The following CLK4 variants were observed in gnomAD, a reference collection of about 807,000 sequenced individuals.
The protein encoded by CLK4 is CDC like kinase 4.
CLK4 carries 37 observed loss-of-function variants against 64.4 expected under a neutral mutation model. That is an observed-to-expected ratio of 0.57 (90% confidence interval 0.44 to 0.76). CLK4 has a LOEUF of 0.76. CLK4 is among the 30% of genes least tolerant of loss of function. The pLI, the probability that CLK4 is intolerant of heterozygous loss-of-function variation, is 0.00. For missense variants in CLK4, 457 were observed against 605.1 expected, an observed-to-expected ratio of 0.76 and a Z score of 2.57; for synonymous variants, 175 against 191.6, an observed-to-expected ratio of 0.91 and a Z score of 0.72.
Position 178,618,555 on chromosome 5 carries a change from C to T in CLK4, c.384+1G>A. On this transcript the variant is annotated splice_donor_variant, in intron 3 of 12. Transcript: ENST00000316308. LOFTEE classifies it high-confidence loss of function. ...CAAATTGAAAACAAAACCAATCATA[C>T]CGAACGTGACTGATGACTTGAACAG... 2 of 1,607,946 alleles carry T rather than the reference C, an allele frequency of 1.2e-6. No homozygotes were observed. The highest frequency in any genetic ancestry group is 1.7e-6 in the Non-Finnish European group (2 of 1,176,002).
At chr5:178,625,608 T>C (rs1280126913) in intron 1 of CLK4, among the ~76,000 whole-genome samples, 5 of 152,184 alleles carry the variant, frequency 3.3e-5, no homozygotes, top group Admixed American at 1.3e-4. Flanking sequence ...TCCATTACTA[T>C]GAAGTTTTTT....
intron 3 of CLK4, 93 bp downstream of exon 3, chr5:178,618,463 T>A: frequency 2.7e-6 from 1 of 374,774 alleles, no homozygotes; most frequent in Non-Finnish European, 4.4e-6. Context: ...TAGTATTTTA[T>A]ATATATATAT....
At chr5:178,622,854 T>G (rs1242470249) in intron 2 of CLK4, 1 of 179,098 alleles carries the variant, frequency 5.6e-6, no homozygotes, top group African/African-American at 2.4e-5. Flanking sequence ...ACCTTATTTC[T>G]GAAACAATGA....
intron 7 of CLK4, 68 bp downstream of exon 7, chr5:178,613,405 C>T (rs1489929573): frequency 1.5e-5 from 16 of 1,098,320 alleles, no homozygotes; most frequent in African/African-American, 8.2e-5. Flanking sequence ...GGTGACAGAG[C>T]GAGACTCCGT....
intron 1 of CLK4, among the ~76,000 whole-genome samples, chr5:178,625,422 CAAA>C (rs58734641): frequency 4.9e-5 from 6 of 121,546 alleles, no homozygotes; most frequent in South Asian, 2.7e-4. Flanking sequence ...GACCCTGTCT[CAAA>C]AAAAAAAAAA....
intron 5 of CLK4, among the ~76,000 whole-genome samples, chr5:178,614,051 G>A (rs1764594366): frequency 6.6e-6 from 1 of 152,094 alleles, no homozygotes; most frequent in Non-Finnish European, 1.5e-5. Context: ...TAATACTTAT[G>A]AGTTTTAACG....
At chr5:178,618,377 T>C (rs565393698) in intron 3 of CLK4, 179 bp downstream of exon 3, 10 of 234,496 alleles carry the variant, frequency 4.3e-5, no homozygotes, top group African/African-American at 1.6e-4. Flanking sequence ...CTAATAAATA[T>C]ACAGATCAGC....
intron 2 of CLK4, 86 bp downstream of exon 2, chr5:178,623,169 AT>A: frequency 7.9e-7 from 1 of 1,262,978 alleles, no homozygotes; most frequent in Middle Eastern, 1.9e-4. Flanking sequence ...TTATAAAACA[AT>A]TTGACAGATG....
In CLK4 at chr5:178,612,875, T is replaced by A; in HGVS notation, c.842A>T (p.Lys281Ile). The A allele has an allele frequency of 6.5e-7, 1 of 1,537,966 alleles. No individual in the cohort carries two copies. Among genetic ancestry groups the A allele is most frequent in the Non-Finnish European group, 9.0e-7 (1 of 1,117,072 alleles). ...AGGCTTCAGATCTGTATGGGTTAAT[T>A]TATTATGATGTAAAACTACAAGAGA... ...CQSINFLHHNKLTHTDLKPEN... is the reference protein window; with the variant it reads ...CQSINFLHHNILTHTDLKPEN... The change falls in exon 8 of 13, where the codon AAA (lysine) becomes ATA (isoleucine). Residue 281 changes from lysine to isoleucine, a missense_variant. Transcript: ENST00000316308.
chr5:178,619,075 C>G (rs896209868), intron 2 of CLK4, among the ~76,000 whole-genome samples: 1 of 152,200 alleles, frequency 6.6e-6, no homozygotes, highest in Admixed American at 6.5e-5. Context: ...CCTTTACCTT[C>G]TGCACCTGTA....
At chr5:178,605,167 C>A in intron 11 of CLK4, 136 bp downstream of exon 11, 1 of 402,520 alleles carries the variant, frequency 2.5e-6, no homozygotes, top group Non-Finnish European at 4.3e-6. Context: ...TTAGAAGTTA[C>A]CTCCAGTACA....
Position 178,619,798 on chromosome 5 carries a change from C to T in CLK4, c.162-1020G>A, listed in dbSNP as rs980947760. 4.7e-5 allele frequency: 60 copies of T among 1,289,220 alleles called. No individual in the cohort carries two copies. In the Admixed American group the frequency reaches 1.4e-3, roughly 29 times the overall value. The allele number at this position is 1,289,220 out of a possible 1,614,324, so 79.9% of individuals were successfully genotyped here. ...CCTTGATCTGATGGAAAGAAAAGGA[C>T]ATAGATTCAATTGGCCCAGTTTCCC... On this transcript the variant is annotated intron_variant, in intron 2 of 12. Transcript: ENST00000316308.
Position 178,617,463 on chromosome 5 carries a change from T to A in CLK4, c.385-29A>T, listed in dbSNP as rs1219256462. 1 of 1,561,908 alleles carries A rather than the reference T, an allele frequency of 6.4e-7. No individual in the cohort carries two copies. Among genetic ancestry groups the A allele is most frequent in the Admixed American group, 1.7e-5 (1 of 59,614 alleles). ...GAACGGCAAGTGGGCAGCACCAAGA[T>A]CGTCCAGCCAATCAATATATCAGAG... On this transcript the variant is annotated intron_variant, in intron 3 of 12. Coordinates refer to ENST00000316308, the MANE Select transcript of CLK4 (RefSeq NM_020666.3). The surrounding 1 kb of genome is among the most constrained non-coding windows in gnomAD (Gnocchi z 5.2).
chr5:178,606,323 C>T (rs1356649965), intron 10 of CLK4, among the ~76,000 whole-genome samples: 2 of 152,146 alleles, frequency 1.3e-5, no homozygotes, highest in East Asian at 3.9e-4. Flanking sequence ...CACTGCAAAA[C>T]CAGACAATAC....
At position 178,612,413 on chromosome 5, in the gene CLK4, G is replaced by C; in HGVS notation, c.1051+3C>G. The stretch of plus-strand genomic sequence containing the variant: ...AATATTAGAAAGCCTGGTGTCTACT[G>C]ACCCAAAATGACCTCGGGAGCTCTG... On this transcript the variant is annotated splice_donor_region_variant and intron_variant, in intron 9 of 12. Transcript: ENST00000316308. 2 of 1,605,950 alleles carry C rather than the reference G, an allele frequency of 1.2e-6. No individual in the cohort carries two copies. Among genetic ancestry groups the C allele is most frequent in the Non-Finnish European group, 1.7e-6 (2 of 1,175,558 alleles).
At chr5:178,609,639 C>T (rs1229366347) in intron 9 of CLK4, among the ~76,000 whole-genome samples, 7 of 151,612 alleles carry the variant, frequency 4.6e-5, no homozygotes, top group Non-Finnish European at 7.4e-5. Context: ...GCTGAGATTG[C>T]GCCACTGCAC....
At position 178,613,904 on chromosome 5, in the gene CLK4, T is replaced by C. The variant is rs376469032; in HGVS notation, c.543-61A>G. The C allele has an allele frequency of 8.9e-4, 1,112 of 1,252,810 alleles. 1 individual carries two copies. The African/African-American group carries it at 0.011, about 13-fold the overall frequency. The allele number at this position is 1,252,810 out of a possible 1,614,324, so 77.6% of individuals were successfully genotyped here. A position where few individuals can be genotyped will look rare whatever the true frequency, so the allele number is the denominator to read the frequency against. Reference sequence around the variant, plus strand: ...ACAAGAGTGAGCTGAAGCCATGTTATGCTCTAAAGCATAGTCTTAATTACC... The same window carrying C: ...ACAAGAGTGAGCTGAAGCCATGTTACGCTCTAAAGCATAGTCTTAATTACC... On this transcript the variant is annotated intron_variant, in intron 5 of 12. Coordinates refer to ENST00000316308, the MANE Select transcript of CLK4 (RefSeq NM_020666.3).
At chr5:178,615,909 A>C (rs1419159581) in intron 5 of CLK4, among the ~76,000 whole-genome samples, 1 of 152,218 alleles carries the variant, frequency 6.6e-6, no homozygotes, top group African/African-American at 2.4e-5. Flanking sequence ...TTTATAGTTT[A>C]GGAAGCTAAC....
At chr5:178,620,776 T>A (rs995212147) in intron 2 of CLK4, 14 of 274,354 alleles carry the variant, frequency 5.1e-5, no homozygotes, top group African/African-American at 2.8e-4. Flanking sequence ...TCCAACAATG[T>A]AGGAAATTCT....
Sources: gnomAD v4.1 joint callset for allele counts (sites outside exome capture counted in the v4.1 genomes callset) on GRCh38, gnomAD v4.1.1 for gene constraint, Gnocchi (gnomAD v3.1) non-coding constraint, MANE v1.5 for transcripts, NCBI Gene and HGNC (gene_info 2026-07-23, HGNC 2026-07-21) for gene names.